The following PLEKHA5 variants were observed in gnomAD, a reference collection of about 807,000 sequenced individuals.
The protein encoded by PLEKHA5 is pleckstrin homology domain-containing family A member 5.
Under a neutral mutation model 181.9 loss-of-function variants are expected in PLEKHA5, and 55 were observed. The ratio of observed to expected loss-of-function variants is 0.30; its 90% CI spans 0.24 to 0.38. PLEKHA5 has a LOEUF of 0.38. Among genes scored for constraint, PLEKHA5 ranks in the 10% least tolerant of loss-of-function variants. PLEKHA5 has a pLI of 1.00. For synonymous variants in PLEKHA5, 535 were observed against 529.4 expected, an observed-to-expected ratio of 1.01 and a Z score of -0.15; for missense variants, 1,432 against 1,549.5, an observed-to-expected ratio of 0.92 and a Z score of 1.27.
chr12:19,146,591 A>C (rs2038982565), intron 3 of PLEKHA5, among the ~76,000 whole-genome samples: 1 of 152,210 alleles, frequency 6.6e-6, no homozygotes, highest in Non-Finnish European at 1.5e-5. Flanking sequence ...CATATTAGTA[A>C]AGCTGTTTTT....
At chr12:19,334,179 C>T (rs1174473504) in intron 20 of PLEKHA5, among the ~76,000 whole-genome samples, 1 of 152,096 alleles carries the variant, frequency 6.6e-6, no homozygotes, top group African/African-American at 2.4e-5. Flanking sequence ...GCTGTCCTTT[C>T]CTCGCTGTCC....
At chr12:19,280,240 G>A (rs1316149847) in intron 11 of PLEKHA5, among the ~76,000 whole-genome samples, 3 of 151,622 alleles carry the variant, frequency 2.0e-5, no homozygotes, top group East Asian at 1.9e-4. Flanking sequence ...TTGTAGAGAC[G>A]GGATTTTGCT....
At chr12:19,159,624 T>A in intron 3 of PLEKHA5, among the ~76,000 whole-genome samples, 1 of 152,324 alleles carries the variant, frequency 6.6e-6, no homozygotes, top group Admixed American at 6.5e-5. Context: ...ATTACTTTCA[T>A]GTATGAATAA....
At position 19,348,489 on chromosome 12, in the gene PLEKHA5, G is replaced by A. The variant is rs1346753594; in HGVS notation, c.2989G>A (p.Val997Ile). 1.3e-6 allele frequency: 2 copies of A among 1,578,084 alleles called. No homozygotes were observed. The highest frequency in any genetic ancestry group is 2.0e-5 in the Admixed American group (1 of 48,784). ...TAATGGAGAAGAAAAATCAGAACCT[G>A]TTTCAGAGATAGAAACTTCAGTTGT... Reference protein sequence around the residue: ...ESNGEEKSEPVSEIETSVVKG... With the variant: ...ESNGEEKSEPISEIETSVVKG... The change falls in exon 25 of 32, where the codon GTT (valine) becomes ATT (isoleucine). Residue 997 changes from valine (V) to isoleucine (I), a missense_variant. This residue lies in a region of PLEKHA5 where 1,143 missense variants were observed against 1,168.4 expected (regional missense o/e 0.98). Transcript: ENST00000429027.
chr12:19,272,444 A>G (rs1297146036), intron 10 of PLEKHA5, among the ~76,000 whole-genome samples: 2 of 152,298 alleles, frequency 1.3e-5, no homozygotes, highest in Middle Eastern at 3.4e-3. Context: ...TTTAATTTAA[A>G]ATAATAGCTT....
intron 3 of PLEKHA5, among the ~76,000 whole-genome samples, chr12:19,235,973 A>G (rs2061353382): frequency 6.6e-6 from 1 of 152,194 alleles, no homozygotes. Context: ...TGACCTATCC[A>G]TTCCACTTCT....
At chr12:19,143,105 T>G (rs530278446) in intron 3 of PLEKHA5, among the ~76,000 whole-genome samples, 1 of 152,342 alleles carries the variant, frequency 6.6e-6, no homozygotes, top group South Asian at 2.1e-4. Context: ...CAGATGTTCC[T>G]ATGAGGTGGC....
intron 11 of PLEKHA5, among the ~76,000 whole-genome samples, chr12:19,276,043 T>C (rs141312002): frequency 0.014 from 2,115 of 152,194 alleles, 162 homozygotes; most frequent in Admixed American, 0.13. Context: ...GGATTCAGAG[T>C]CTAGGAAAAC....
At chr12:19,208,407 C>CAA (rs35439122) in intron 3 of PLEKHA5, among the ~76,000 whole-genome samples, 18 of 72,586 alleles carry the variant, frequency 2.5e-4, no homozygotes, top group African/African-American at 3.3e-4. Flanking sequence ...AACTCTGTCT[C>CAA]AAAAAAAAAA....
At chr12:19,363,599 C>T (rs546162557) in intron 29 of PLEKHA5, among the ~76,000 whole-genome samples, 1 of 151,990 alleles carries the variant, frequency 6.6e-6, no homozygotes, top group African/African-American at 2.4e-5. Context: ...TCAAGCGATT[C>T]TCCTGCCTCA....
At chr12:19,160,413 A>G (rs2042708564) in intron 3 of PLEKHA5, among the ~76,000 whole-genome samples, 1 of 152,124 alleles carries the variant, frequency 6.6e-6, no homozygotes, top group Non-Finnish European at 1.5e-5. Flanking sequence ...ATGGGACATA[A>G]CAACAATATA....
intron 3 of PLEKHA5, chr12:19,154,222 C>T (rs2041141383): frequency 6.6e-6 from 1 of 151,754 alleles, no homozygotes; most frequent in Non-Finnish European, 1.5e-5. Flanking sequence ...TTTTTTTTCA[C>T]CCTTTTAAAA....
chr12:19,359,519 AC>A lies in PLEKHA5; in HGVS notation c.3460del (p.Gln1154LysfsTer9). On this transcript the variant is annotated frameshift_variant, in exon 28 of 32. Coordinates refer to ENST00000429027, the MANE Select transcript of PLEKHA5 (RefSeq NM_001256470.2). LOFTEE classifies it high-confidence loss of function. ...TEIVQLKETE[P>X]QNVDFSKELK... Reference sequence around the variant, plus strand: ...AAATTGTTCAACTAAAAGAAACCGAACCCCAAAATGTGGACTTCAGCAAAGA... The same window carrying A: ...AAATTGTTCAACTAAAAGAAACCGAACCCAAAATGTGGACTTCAGCAAAGA... The A allele has an allele frequency of 6.2e-7, 1 of 1,613,964 alleles. No individual in the cohort carries two copies. Among genetic ancestry groups the A allele is most frequent in the Non-Finnish European group, 8.5e-7 (1 of 1,179,914 alleles).
chr12:19,222,127 A>G (rs1196912427), intron 3 of PLEKHA5, among the ~76,000 whole-genome samples: 1 of 152,096 alleles, frequency 6.6e-6, no homozygotes, highest in Admixed American at 6.6e-5. Context: ...GTGTATGTAT[A>G]TATATGTATA....
chr12:19,354,062 CAT>C lies in PLEKHA5; in HGVS notation c.3138+61_3138+62del, dbSNP rs1452925911. 7 of 595,104 alleles carry C rather than the reference CAT, an allele frequency of 1.2e-5. No individual in the cohort carries two copies. In the East Asian group the frequency reaches 2.6e-4, roughly 22 times the overall value. The allele number at this position is 595,104 out of a possible 1,614,324, so 36.9% of individuals were successfully genotyped here. A position where few individuals can be genotyped will look rare whatever the true frequency, so the allele number is the denominator to read the frequency against. On this transcript the variant is annotated intron_variant, in intron 26 of 31. Transcript: ENST00000429027. The stretch of plus-strand genomic sequence containing the variant: ...CTCACATCTATTTATTGCTTTCTTA[CAT>C]GTTTTCATTTTCAGTGTCTTATCAA...
intron 3 of PLEKHA5, among the ~76,000 whole-genome samples, chr12:19,229,177 T>A (rs2060091844): frequency 6.6e-6 from 1 of 152,196 alleles, no homozygotes; most frequent in Non-Finnish European, 1.5e-5. Context: ...AAAATAGCCA[T>A]ACCCCAGTAA....
intron 16 of PLEKHA5, among the ~76,000 whole-genome samples, chr12:19,318,107 T>G (rs1361104316): frequency 1.3e-5 from 2 of 151,186 alleles, no homozygotes; most frequent in East Asian, 4.0e-4. Flanking sequence ...CCTTTTCAAT[T>G]CTATGAAGGC....
chr12:19,181,980 C>A (rs2048710711), intron 3 of PLEKHA5, among the ~76,000 whole-genome samples: 1 of 152,114 alleles, frequency 6.6e-6, no homozygotes, highest in Non-Finnish European at 1.5e-5. Flanking sequence ...GCTACATAGT[C>A]CTTGCTCTCA....
chr12:19,360,340 C>T (rs2095172053), intron 28 of PLEKHA5, among the ~76,000 whole-genome samples: 1 of 151,564 alleles, frequency 6.6e-6, no homozygotes, highest in African/African-American at 2.4e-5. Context: ...GGCACAGTGG[C>T]TCATGCCTGT....
Sources: allele counts gnomAD v4.1 joint callset (sites outside exome capture counted in the v4.1 genomes callset), GRCh38; gene constraint gnomAD v4.1.1; regional missense constraint gnomAD v4.1.1; transcripts MANE v1.5; gene names NCBI Gene and HGNC (gene_info 2026-07-23, HGNC 2026-07-21).